The following DLGAP2 variants were observed in gnomAD, a reference collection of about 807,000 sequenced individuals.
DLGAP2 encodes DLG associated protein 2, also known as disks large-associated protein 2.
A neutral mutation model predicts 100.3 loss-of-function variants in DLGAP2; 26 were observed. The observed-to-expected ratio is 0.26, with a 90% CI of 0.19 to 0.36. The LOEUF is 0.36. Among genes scored for constraint, DLGAP2 ranks in the 10% least tolerant of loss-of-function variants. DLGAP2 has a pLI of 1.00. For synonymous variants in DLGAP2, 886 were observed against 630.1 expected, an observed-to-expected ratio of 1.41 and a Z score of -6.08; for missense variants, 1,858 against 1,453.2, an observed-to-expected ratio of 1.28 and a Z score of -4.53.
At chr8:1,390,820 A>C (rs757885) in intron 3 of DLGAP2, among the ~76,000 whole-genome samples, 1 of 152,236 alleles carries the variant, frequency 6.6e-6, no homozygotes, top group African/African-American at 2.4e-5. Context: ...GAGCGAGCCC[A>C]TAGCGAATGC....
chr8:1,672,367 G>A (rs1798712977), intron 10 of DLGAP2, among the ~76,000 whole-genome samples: 1 of 152,082 alleles, frequency 6.6e-6, no homozygotes, highest in Admixed American at 6.5e-5. Context: ...GAGCAGCTGG[G>A]ATTACAGACA....
intron 2 of DLGAP2, among the ~76,000 whole-genome samples, chr8:1,072,165 A>G (rs1803452594): frequency 6.6e-6 from 1 of 152,136 alleles, no homozygotes; most frequent in African/African-American, 2.4e-5. Flanking sequence ...ATGCAGTTAC[A>G]GAAAAGTTGG....
At chr8:1,338,370 GAA>G (rs1368037627) in intron 3 of DLGAP2, among the ~76,000 whole-genome samples, 1 of 152,200 alleles carries the variant, frequency 6.6e-6, no homozygotes, top group Non-Finnish European at 1.5e-5. Flanking sequence ...AATATTATGT[GAA>G]ATGAGAGAAG....
At chr8:795,476 A>G (rs1021516598) in intron 1 of DLGAP2, among the ~76,000 whole-genome samples, 2 of 152,218 alleles carry the variant, frequency 1.3e-5, no homozygotes, top group African/African-American at 4.8e-5. Flanking sequence ...AAAAAGCATG[A>G]AAATGCACCA....
chr8:1,284,880 G>A (rs969438386), intron 3 of DLGAP2, among the ~76,000 whole-genome samples: 7 of 152,170 alleles, frequency 4.6e-5, no homozygotes, highest in African/African-American at 1.7e-4. Flanking sequence ...GCATGAGCCA[G>A]AGCTTCTTTT....
At chr8:1,145,859 C>T (rs1462054766) in intron 2 of DLGAP2, among the ~76,000 whole-genome samples, 1 of 145,952 alleles carries the variant, frequency 6.9e-6, no homozygotes, top group Admixed American at 7.0e-5. Context: ...TGAGAATATG[C>T]GGTGTTTGGT....
intron 3 of DLGAP2, among the ~76,000 whole-genome samples, chr8:1,475,401 C>G (rs939882061): frequency 6.6e-6 from 1 of 152,170 alleles, no homozygotes; most frequent in Non-Finnish European, 1.5e-5. Context: ...CAGCCTGATA[C>G]CTTTTCATCC....
At chr8:1,278,039 C>T (rs183181560) in intron 3 of DLGAP2, among the ~76,000 whole-genome samples, 1 of 152,316 alleles carries the variant, frequency 6.6e-6, no homozygotes, top group Admixed American at 6.5e-5. Context: ...AACAGCTTCT[C>T]AGTAGTCTCT....
intron 2 of DLGAP2, among the ~76,000 whole-genome samples, chr8:972,608 A>ATTTTTTTCATTT (rs1563121585): frequency 1.3e-5 from 2 of 149,214 alleles, no homozygotes; most frequent in Non-Finnish European, 3.0e-5. Flanking sequence ...TTTTTTTTGT[A>ATTTTTTTCATTT]TTTTTTTCTT....
intron 3 of DLGAP2, among the ~76,000 whole-genome samples, chr8:1,479,761 G>A (rs1161128112): frequency 2.0e-5 from 3 of 152,164 alleles, no homozygotes; most frequent in African/African-American, 7.2e-5. Context: ...GAAGCCCCCT[G>A]CGGTCCAAGC....
intron 1 of DLGAP2, among the ~76,000 whole-genome samples, chr8:762,206 T>C (rs1011029587): frequency 1.3e-5 from 2 of 152,210 alleles, no homozygotes; most frequent in African/African-American, 4.8e-5. Flanking sequence ...GAAACTAATA[T>C]TCATCCGTGG....
chr8:1,626,850 C>A lies in DLGAP2; in HGVS notation c.1553C>A (p.Ala518Asp). The change falls in exon 7 of 15, where the codon GCC becomes GAC. Residue 518 changes from alanine (A) to aspartate (D), a missense_variant. Coordinates refer to ENST00000637795, the MANE Select transcript of DLGAP2 (RefSeq NM_001346810.2). ...TCCCGGAACCAGAGCTACATGAGGG[C>A]CGTCAGCACCCTGAGCCAGGCCAGC... ...FRSRNQSYMRAVSTLSQASCV... is the reference protein window; with the variant it reads ...FRSRNQSYMRDVSTLSQASCV... 6.2e-7 allele frequency: 1 copy of A among 1,606,602 alleles called. No homozygotes were observed. Among genetic ancestry groups the A allele is most frequent in the Non-Finnish European group, 8.5e-7 (1 of 1,176,804 alleles).
intron 3 of DLGAP2, among the ~76,000 whole-genome samples, chr8:1,444,200 C>T (rs1413208636): frequency 6.6e-6 from 1 of 152,142 alleles, no homozygotes; most frequent in Non-Finnish European, 1.5e-5. Flanking sequence ...ATCCTGTTGC[C>T]TTGGCCTCCC....
chr8:1,692,835 C>A (rs970724945), intron 13 of DLGAP2, among the ~76,000 whole-genome samples: 9 of 151,124 alleles, frequency 6.0e-5, no homozygotes, highest in African/African-American at 2.2e-4. Context: ...AGAAAAACCA[C>A]ATATATATTT....
At chr8:989,880 A>G (rs1467300877) in intron 2 of DLGAP2, among the ~76,000 whole-genome samples, 1 of 152,136 alleles carries the variant, frequency 6.6e-6, no homozygotes. Context: ...TTAAAAAATT[A>G]TATGATTTTT....
intron 1 of DLGAP2, among the ~76,000 whole-genome samples, chr8:740,681 T>C (rs1381228300): frequency 6.6e-6 from 1 of 152,230 alleles, no homozygotes; most frequent in African/African-American, 2.4e-5. Flanking sequence ...GGATTTTGTT[T>C]TGTTTTATTT....
At chr8:927,839 G>A (rs1798852255) in intron 2 of DLGAP2, among the ~76,000 whole-genome samples, 2 of 152,148 alleles carry the variant, frequency 1.3e-5, no homozygotes, top group African/African-American at 4.8e-5. Context: ...AAAGGGCAGA[G>A]TTCAGAGAGC....
At chr8:1,093,523 C>T (rs927668875) in intron 2 of DLGAP2, among the ~76,000 whole-genome samples, 86 of 87,030 alleles carry the variant, frequency 9.9e-4, no homozygotes, top group African/African-American at 3.7e-3. Flanking sequence ...ACAGCCAGAC[C>T]GAAACACCTT....
At chr8:1,468,195 G>A (rs763151629) in intron 3 of DLGAP2, among the ~76,000 whole-genome samples, 8 of 151,982 alleles carry the variant, frequency 5.3e-5, no homozygotes, top group East Asian at 3.9e-4. Flanking sequence ...TTCACACAGC[G>A]TGGATCCGGG....
Sources: gnomAD v4.1 joint callset for allele counts (sites outside exome capture counted in the v4.1 genomes callset) on GRCh38, gnomAD v4.1.1 for gene constraint, MANE v1.5 for transcripts, NCBI Gene and HGNC (gene_info 2026-07-23, HGNC 2026-07-21) for gene names.